The following PIGN variants were observed in gnomAD, a reference collection of about 807,000 sequenced individuals.
PIGN encodes GPI ethanolamine phosphate transferase 1.
In PIGN, 117 loss-of-function variants were observed where a neutral mutation model predicts 125.4. That is an observed-to-expected ratio of 0.93 (90% CI 0.80 to 1.09). The LOEUF (loss-of-function observed/expected upper bound fraction) is 1.09. Among genes scored for constraint, PIGN ranks in the 50% least tolerant of loss-of-function variants. PIGN has a pLI of 0.00. For synonymous variants in PIGN, 392 were observed against 377.8 expected (o/e 1.04, Z -0.44); for missense variants, 1,075 against 1,094.9 (o/e 0.98, Z 0.26).
rs2030477404 is a variant in PIGN, at chr18:62,043,870, T to C, written c.*1986A>G. The C allele has an allele frequency of 6.6e-6, 1 of 152,232 alleles. No individual in the cohort carries two copies. Among genetic ancestry groups the C allele is most frequent in the East Asian group, 1.9e-4 (1 of 5,202 alleles). 9.4% of individuals were successfully genotyped at this position (152,232 alleles called of 1,614,324 possible). On this transcript the variant is annotated 3_prime_UTR_variant, in exon 31 of 31. Transcript: ENST00000640252. ...AATGTCCTAAGTCTTGATTCAGAAATCTATGGCATAGGTAGAATGAAAAAA... is the reference window on the plus strand; with the variant it reads ...AATGTCCTAAGTCTTGATTCAGAAACCTATGGCATAGGTAGAATGAAAAAA...
intron 23 of PIGN, among the ~76,000 whole-genome samples, chr18:62,091,945 A>C (rs1222847767): frequency 6.6e-6 from 1 of 152,202 alleles, no homozygotes; most frequent in Non-Finnish European, 1.5e-5. Flanking sequence ...ACAAAGCCTT[A>C]TTTCCTTTTT....
chr18:62,071,695 T>C lies in PIGN; in HGVS notation c.2672+978A>G, dbSNP rs144393294. ...ACAAAGCATTACTCTCGCTTGTTTG[T>C]GGTGATGCTGGTGTGAACAAACCTA... On this transcript the variant is annotated intron_variant, in intron 30 of 30. Transcript: ENST00000640252. Among the ~76,000 whole-genome samples the C allele has an allele frequency of 4.7e-4, 72 of 151,892 alleles. No homozygotes were observed. In the East Asian group the frequency reaches 0.014, roughly 29 times the overall value.
rs534883382 is a variant in PIGN, at chr18:62,114,417, C to G, written c.1251+144G>C. On this transcript the variant is annotated intron_variant, in intron 15 of 30. Coordinates refer to ENST00000640252, the MANE Select transcript of PIGN (RefSeq NM_176787.5). ...AGTTGAAATAAGAGAGATCTGTCCA[C>G]TGCTAAAGCAGCTACTCAGGAAATG... 79 of 593,100 alleles carry G rather than the reference C, an allele frequency of 1.3e-4. No homozygotes were observed. In the African/African-American group the frequency reaches 1.5e-3, roughly 11 times the overall value. The allele number at this position is 593,100 out of a possible 1,614,324, so 36.7% of individuals were successfully genotyped here.
At chr18:62,098,600 T>C (rs1247132956) in intron 22 of PIGN, among the ~76,000 whole-genome samples, 1 of 152,150 alleles carries the variant, frequency 6.6e-6, no homozygotes, top group Non-Finnish European at 1.5e-5. Context: ...TTTCAAAATA[T>C]ACCATCCATT....
intron 14 of PIGN, among the ~76,000 whole-genome samples, chr18:62,125,491 T>C (rs2035501006): frequency 6.6e-6 from 1 of 152,050 alleles, no homozygotes; most frequent in African/African-American, 2.4e-5. Context: ...CTAGGATGAA[T>C]ACCTTGGGGC....
chr18:62,062,609 A>G (rs1315771896), intron 30 of PIGN, among the ~76,000 whole-genome samples: 1 of 152,192 alleles, frequency 6.6e-6, no homozygotes, highest in Non-Finnish European at 1.5e-5. Context: ...AAATCAGGGC[A>G]TAGGATCACT....
chr18:62,136,720 C>T, intron 14 of PIGN: 1 of 184,430 alleles, frequency 5.4e-6, no homozygotes, highest in Non-Finnish European at 1.1e-5. Context: ...GTCATTCAAT[C>T]ACATCCTTAA....
At chr18:62,154,784 G>A in intron 6 of PIGN, 133 bp from the exon 7 acceptor site, 1 of 616,804 alleles carries the variant, frequency 1.6e-6, no homozygotes, top group Non-Finnish European at 2.9e-6. Flanking sequence ...TGATGGGGAA[G>A]AGAAAAATGG....
chr18:62,079,555 A>C (rs2033347719), intron 28 of PIGN, among the ~76,000 whole-genome samples: 1 of 152,190 alleles, frequency 6.6e-6, no homozygotes, highest in Non-Finnish European at 1.5e-5. Context: ...GAAAAATTAG[A>C]CCTGGTAGAA....
intron 11 of PIGN, among the ~76,000 whole-genome samples, chr18:62,141,336 C>T (rs2036127169): frequency 6.6e-6 from 1 of 152,180 alleles, no homozygotes; most frequent in South Asian, 2.1e-4. Flanking sequence ...GTACCTGGCA[C>T]ATAATAAGCC....
At chr18:62,026,295 C>A (rs185123513) in intron 23 of PIGN, among the ~76,000 whole-genome samples, 3 of 152,000 alleles carry the variant, frequency 2.0e-5, no homozygotes, top group African/African-American at 7.3e-5. Context: ...GCTATTATGT[C>A]CATTTTCAAC....
chr18:62,030,111 CATGAGATAAGATCT>C (rs2030174899), intron 23 of PIGN, among the ~76,000 whole-genome samples: 1 of 152,208 alleles, frequency 6.6e-6, no homozygotes, highest in Admixed American at 6.5e-5. Flanking sequence ...ATCAGACTGA[CATGAGATAAGATCT>C]TATAAGCCAG....
At chr18:62,140,677 T>C (rs538358171) in intron 11 of PIGN, among the ~76,000 whole-genome samples, 198 bp from the exon 12 acceptor site, 14 of 152,094 alleles carry the variant, frequency 9.2e-5, no homozygotes, top group Non-Finnish European at 2.1e-4. Flanking sequence ...AAAAAAATTT[T>C]GAAAAGAAAC....
intron 13 of PIGN, among the ~76,000 whole-genome samples, chr18:62,138,517 A>C (rs2036017635): frequency 6.6e-6 from 1 of 152,216 alleles, no homozygotes; most frequent in Admixed American, 6.5e-5. Flanking sequence ...CTTGCAAAGT[A>C]ACATACTGTA....
At chr18:62,033,667 C>T (rs932641371) in intron 23 of PIGN, among the ~76,000 whole-genome samples, 2 of 152,168 alleles carry the variant, frequency 1.3e-5, no homozygotes, top group African/African-American at 4.8e-5. Context: ...CTTCTTGGCA[C>T]ATCAGTTTTC....
chr18:62,064,399 C>T (rs1326297099), intron 30 of PIGN, among the ~76,000 whole-genome samples: 1 of 152,208 alleles, frequency 6.6e-6, no homozygotes, highest in Non-Finnish European at 1.5e-5. Flanking sequence ...TGGAGCATCA[C>T]CAAGTCTTAA....
chr18:62,036,956 C>T (rs1328676860), downstream of PIGN, among the ~76,000 whole-genome samples: 3 of 152,166 alleles, frequency 2.0e-5, no homozygotes, highest in African/African-American at 7.2e-5. Flanking sequence ...ACAACACAAG[C>T]TCTTCAAGGG....
intron 23 of PIGN, among the ~76,000 whole-genome samples, chr18:62,023,989 G>A (rs546807721): frequency 1.3e-5 from 2 of 152,130 alleles, no homozygotes; most frequent in Non-Finnish European, 2.9e-5. Flanking sequence ...AAAGCATAGC[G>A]GCTGAAATTC....
chr18:62,109,738 A>G (rs1276239634), intron 17 of PIGN, 96 bp downstream of exon 17: 1 of 1,032,786 alleles, frequency 9.7e-7, no homozygotes, highest in Non-Finnish European at 1.4e-6. Flanking sequence ...TTATAAATAT[A>G]TTTGATGACT....
Sources: allele counts gnomAD v4.1 joint callset (sites outside exome capture counted in the v4.1 genomes callset), GRCh38; gene constraint gnomAD v4.1.1; transcripts MANE v1.5; gene names NCBI Gene and HGNC (gene_info 2026-07-23, HGNC 2026-07-21).